The following IQGAP1 variants were observed in gnomAD, a reference collection of about 807,000 sequenced individuals.
The protein encoded by IQGAP1 is IQ motif containing GTPase activating protein 1, also known as ras GTPase-activating-like protein IQGAP1.
In IQGAP1, 66 loss-of-function variants were observed where a neutral mutation model predicts 215.6. That is an observed-to-expected ratio of 0.31 (90% CI 0.25 to 0.38). The LOEUF (loss-of-function observed/expected upper bound fraction) is 0.38. IQGAP1 is among the 10% of genes least tolerant of loss of function. The pLI, the probability that IQGAP1 is intolerant of heterozygous loss-of-function variation, is 1.00. For synonymous variants in IQGAP1, 772 were observed against 728.7 expected, an observed-to-expected ratio of 1.06 and a Z score of -0.96; for missense variants, 1,712 against 1,997.1, an observed-to-expected ratio of 0.86 and a Z score of 2.72.
At chr15:90,439,462 C>A in intron 6 of IQGAP1, 63 bp downstream of exon 6, 1 of 1,372,616 alleles carries the variant, frequency 7.3e-7, no homozygotes, top group Non-Finnish European at 1.0e-6. Flanking sequence ...GGAGAGCCAG[C>A]AGTACCAATT....
At chr15:90,491,047 G>C (rs1443586789) in intron 33 of IQGAP1, among the ~76,000 whole-genome samples, 1 of 152,212 alleles carries the variant, frequency 6.6e-6, no homozygotes, top group Non-Finnish European at 1.5e-5. Flanking sequence ...CTGACCTCAT[G>C]ATCCGCCTAC....
At chr15:90,486,793 C>A in intron 31 of IQGAP1, 161 bp from the exon 32 acceptor site, 1 of 683,708 alleles carries the variant, frequency 1.5e-6, no homozygotes, top group Non-Finnish European at 2.5e-6. Context: ...TATCATTTGG[C>A]ATAACATTTT....
Position 90,494,744 on chromosome 15 carries a change from A to G in IQGAP1, c.4660A>G (p.Lys1554Glu), listed in dbSNP as rs778078166. The change falls in exon 36 of 38, where the codon AAG (lysine) becomes GAG (glutamate). Residue 1554 changes from lysine (K) to glutamate (E), a missense_variant. This residue lies in a region of IQGAP1 where 691 missense variants were observed against 923.0 expected (regional missense o/e 0.75). Transcript: ENST00000268182. ...CAAAAAGCCTAGGGAAATGAAAGGAAAGAAAAGCAAAAAGATTTCTCTGAA... is the reference window on the plus strand; with the variant it reads ...CAAAAAGCCTAGGGAAATGAAAGGAGAGAAAAGCAAAAAGATTTCTCTGAA... ...VSKKPREMKG[K>E]KSKKISLKYT... 1.1e-5 allele frequency: 18 copies of G among 1,610,512 alleles called. No individual in the cohort carries two copies. In the South Asian group the frequency reaches 1.9e-4, roughly 17 times the overall value.
At chr15:90,489,016 G>A (rs1358493953) in intron 33 of IQGAP1, among the ~76,000 whole-genome samples, 1 of 152,112 alleles carries the variant, frequency 6.6e-6, no homozygotes, top group African/African-American at 2.4e-5. Context: ...TAGAGCAGAT[G>A]TAGTTGAGTC....
intron 33 of IQGAP1, among the ~76,000 whole-genome samples, chr15:90,489,997 G>T (rs1390001579): frequency 1.3e-5 from 2 of 152,206 alleles, no homozygotes; most frequent in African/African-American, 2.4e-5. Flanking sequence ...GGTGGATCCA[G>T]TTCTGTCTGC....
intron 15 of IQGAP1, among the ~76,000 whole-genome samples, chr15:90,461,328 G>T (rs1965758301): frequency 6.6e-6 from 1 of 152,082 alleles, no homozygotes; most frequent in African/African-American, 2.4e-5. Context: ...GCTGGTGATT[G>T]TTTGCCAGTG....
intron 4 of IQGAP1, 93 bp from the exon 5 acceptor site, chr15:90,433,626 G>C: frequency 1.3e-6 from 1 of 752,224 alleles, no homozygotes; most frequent in South Asian, 1.8e-5. Flanking sequence ...TTTTCTAACT[G>C]TCCATAGTTT....
rs1176245570 is a variant in IQGAP1, at chr15:90,388,244, C to T, written c.-98C>T. ...ACGGCACGGGGCGGGGCCTCGGGGA[C>T]CCCGGCAAGCCCGCGCACTTGGCAG... On this transcript the variant is annotated 5_prime_UTR_variant, in exon 1 of 38. Transcript: ENST00000268182. 1.4e-5 allele frequency: 20 copies of T among 1,379,586 alleles called. No homozygotes were observed. The highest frequency in any genetic ancestry group is 1.6e-5 in the Non-Finnish European group (16 of 1,007,710). 85.5% of individuals were successfully genotyped at this position (1,379,586 alleles called of 1,614,324 possible).
intron 2 of IQGAP1, among the ~76,000 whole-genome samples, chr15:90,408,598 T>C (rs1456189079): frequency 6.6e-6 from 1 of 152,066 alleles, no homozygotes; most frequent in Non-Finnish European, 1.5e-5. Flanking sequence ...CTTTTGAAGG[T>C]AACATTTGAA....
In IQGAP1 at chr15:90,477,831, C is replaced by A. The variant is rs772703868; in HGVS notation, c.3271C>A (p.Pro1091Thr). 6.2e-7 allele frequency: 1 copy of A among 1,613,808 alleles called. No homozygotes were observed. The highest frequency in any genetic ancestry group is 1.1e-5 in the South Asian group (1 of 91,052). ...DDKSLNIKTD[P>T]VDIYKSWVNQ... ...CAAATCTCTCAACATCAAAACTGACCCTGTGGATATTTACAAATCTTGGGT... is the reference window on the plus strand; with the variant it reads ...CAAATCTCTCAACATCAAAACTGACACTGTGGATATTTACAAATCTTGGGT... Residue 1091 changes from proline to threonine, a missense_variant, in exon 26 of 38, where the codon CCT (proline) becomes ACT (threonine). Coordinates refer to ENST00000268182, the MANE Select transcript of IQGAP1 (RefSeq NM_003870.4).
chr15:90,449,295 A>G (rs528455234), intron 10 of IQGAP1, among the ~76,000 whole-genome samples: 2 of 152,300 alleles, frequency 1.3e-5, no homozygotes, highest in East Asian at 3.9e-4. Context: ...AAGATTCTAC[A>G]AACACTTTTT....
chr15:90,487,904 G>T (rs553249566), intron 33 of IQGAP1, among the ~76,000 whole-genome samples: 50 of 152,132 alleles, frequency 3.3e-4, no homozygotes, highest in Non-Finnish European at 5.6e-4. Flanking sequence ...AAAATCCATA[G>T]ATGTTGAAGT....
At chr15:90,395,049 C>T (rs1308302788) in intron 2 of IQGAP1, among the ~76,000 whole-genome samples, 1 of 152,144 alleles carries the variant, frequency 6.6e-6, no homozygotes, top group African/African-American at 2.4e-5. Flanking sequence ...GGGGTAATTC[C>T]TATAAATGAG....
In IQGAP1 at chr15:90,475,918, A is replaced by G. The variant is rs141446056; in HGVS notation, c.2785-745A>G. ...TAAAGGATAAGACTCTTTCCCTATG[A>G]TAAGTAGTCATAATTTTTTTTTAAT... On this transcript the variant is annotated intron_variant, in intron 23 of 37. Coordinates refer to ENST00000268182, the MANE Select transcript of IQGAP1 (RefSeq NM_003870.4). Among the ~76,000 whole-genome samples, 76 of 152,118 alleles carry G rather than the reference A, an allele frequency of 5.0e-4. 1 individual carries two copies. The highest frequency in any genetic ancestry group is 1.8e-3 in the African/African-American group (74 of 41,498).
At chr15:90,405,896 G>A (rs1042516088) in intron 2 of IQGAP1, among the ~76,000 whole-genome samples, 1 of 151,860 alleles carries the variant, frequency 6.6e-6, no homozygotes, top group African/African-American at 2.4e-5. Flanking sequence ...GATGTTCATG[G>A]TCACTTCTCA....
chr15:90,461,427 T>A (rs951764860), intron 15 of IQGAP1, among the ~76,000 whole-genome samples: 1 of 152,244 alleles, frequency 6.6e-6, no homozygotes, highest in Non-Finnish European at 1.5e-5. Context: ...TTTCTCTTCA[T>A]TAAATTTAGT....
At chr15:90,496,694 A>G (rs1298596022) in intron 36 of IQGAP1, 1 of 152,174 alleles carries the variant, frequency 6.6e-6, no homozygotes, top group East Asian at 1.9e-4. Context: ...GATAACTTAA[A>G]TACGTTCAAT....
rs144327527 is a variant in IQGAP1 at position 90,469,263 on chromosome 15, G to C, written c.2178+1671G>C. 7.8e-4 allele frequency among the ~76,000 whole-genome samples: 118 copies of C among 152,226 alleles called. 1 individual carries two copies. Among genetic ancestry groups the C allele is most frequent in the Non-Finnish European group, 1.3e-3 (87 of 68,018 alleles). ...TACTAACAGACATTCAGGATTCCTA[G>C]AGAAAAACGACAGTAAAAGATTTTC... On this transcript the variant is annotated intron_variant, in intron 18 of 37. Coordinates refer to ENST00000268182, the MANE Select transcript of IQGAP1 (RefSeq NM_003870.4).
intron 2 of IQGAP1, among the ~76,000 whole-genome samples, chr15:90,399,233 G>A (rs1466126304): frequency 6.6e-6 from 1 of 151,984 alleles, no homozygotes; most frequent in African/African-American, 2.4e-5. Context: ...ATACAGGCGT[G>A]AGCAGCCACA....
Sources: allele counts gnomAD v4.1 joint callset (sites outside exome capture counted in the v4.1 genomes callset), GRCh38; gene constraint gnomAD v4.1.1; regional missense constraint gnomAD v4.1.1; transcripts MANE v1.5; gene names NCBI Gene and HGNC (gene_info 2026-07-23, HGNC 2026-07-21).